RORA: variants seen among roughly 807,000 people sequenced by gnomAD.
The protein encoded by RORA is RAR related orphan receptor A.
Under a neutral mutation model 69.5 loss-of-function variants are expected in RORA, and 7 were observed. The ratio of observed to expected loss-of-function variants is 0.10; its 90% CI spans 0.06 to 0.19. The LOEUF is 0.19. Ranked by LOEUF, RORA falls within the 10% of genes least tolerant of loss-of-function variation. RORA has a pLI of 1.00. For missense variants in RORA, 457 were observed against 663.0 expected (o/e 0.69, Z 3.41); for synonymous variants, 261 against 240.8 (o/e 1.08, Z -0.78).
At chr15:60,516,201 A>T (rs1443189618) in intron 3 of RORA, among the ~76,000 whole-genome samples, 1 of 31,258 alleles carries the variant, frequency 3.2e-5, no homozygotes, top group Non-Finnish European at 4.8e-5. Context: ...ATATATTTAT[A>T]TATATATTTA....
At chr15:61,036,964 C>T (rs772448978) in intron 1 of RORA, among the ~76,000 whole-genome samples, 8 of 152,048 alleles carry the variant, frequency 5.3e-5, no homozygotes, top group Non-Finnish European at 8.8e-5. Context: ...ACAAACACTA[C>T]AGGGGATTTT....
chr15:60,615,046 C>A, intron 2 of RORA: 1 of 1,605,214 alleles, frequency 6.2e-7, no homozygotes, highest in Non-Finnish European at 8.5e-7. Flanking sequence ...GAAAACAGAA[C>A]AGCGTCAACC....
intron 2 of RORA, chr15:60,615,058 A>C (rs765631549): frequency 6.3e-7 from 1 of 1,595,532 alleles, no homozygotes; most frequent in Non-Finnish European, 8.6e-7. Flanking sequence ...GCGTCAACCC[A>C]CACACAGCCC....
intron 1 of RORA, among the ~76,000 whole-genome samples, chr15:60,838,460 G>A (rs1393685389): frequency 6.6e-6 from 1 of 152,168 alleles, no homozygotes; most frequent in Non-Finnish European, 1.5e-5. Flanking sequence ...GCAGGTCACC[G>A]GGCCATGGGG....
intron 2 of RORA, among the ~76,000 whole-genome samples, chr15:60,543,192 T>G (rs1489133020): frequency 4.2e-5 from 1 of 23,552 alleles, no homozygotes; most frequent in African/African-American, 6.2e-5. Context: ...TTTTTTTTTT[T>G]TTTTTTTTTT....
At chr15:60,590,941 A>C (rs964253532) in intron 2 of RORA, among the ~76,000 whole-genome samples, 23 of 152,218 alleles carry the variant, frequency 1.5e-4, no homozygotes, top group Admixed American at 6.5e-5. Context: ...AGCTCATCTT[A>C]ACGTCCAGTA....
chr15:61,118,602 T>C (rs917248491), intron 1 of RORA, among the ~76,000 whole-genome samples: 3 of 151,428 alleles, frequency 2.0e-5, no homozygotes, highest in African/African-American at 4.9e-5. Context: ...TTAAGAAAGA[T>C]GGCTAGGGGA....
chr15:60,984,552 C>T (rs958687087), intron 1 of RORA, among the ~76,000 whole-genome samples: 4 of 151,986 alleles, frequency 2.6e-5, no homozygotes, highest in African/African-American at 9.7e-5. Flanking sequence ...AAACAATTTA[C>T]ACAATATAGG....
At chr15:60,897,352 G>A (rs1268747109) in intron 1 of RORA, among the ~76,000 whole-genome samples, 2 of 152,184 alleles carry the variant, frequency 1.3e-5, no homozygotes, top group Non-Finnish European at 2.9e-5. Flanking sequence ...TGGGGTTAAT[G>A]AGTAATCAGG....
chr15:60,927,396 A>G (rs142746663), intron 1 of RORA, among the ~76,000 whole-genome samples: 288 of 152,340 alleles, frequency 1.9e-3, no homozygotes, highest in Non-Finnish European at 3.3e-3. Context: ...TCCAACCATT[A>G]TTAAATAACA....
intron 1 of RORA, among the ~76,000 whole-genome samples, chr15:60,754,489 T>C (rs1387526664): frequency 6.6e-6 from 1 of 152,186 alleles, no homozygotes; most frequent in Non-Finnish European, 1.5e-5. Flanking sequence ...CTTCATAAAA[T>C]GGACATCAAA....
intron 1 of RORA, among the ~76,000 whole-genome samples, chr15:60,784,855 G>A (rs966313333): frequency 6.6e-6 from 1 of 152,130 alleles, no homozygotes; most frequent in Admixed American, 6.5e-5. Context: ...TGTGTGAAGG[G>A]TCATGTGAAA....
At chr15:61,023,291 G>A (rs1314513911) in intron 1 of RORA, among the ~76,000 whole-genome samples, 3 of 151,306 alleles carry the variant, frequency 2.0e-5, no homozygotes, top group African/African-American at 7.3e-5. Flanking sequence ...AGGTTTAATT[G>A]GACTTACAGT....
At chr15:60,694,947 G>A (rs541222553) in intron 1 of RORA, among the ~76,000 whole-genome samples, 7 of 152,100 alleles carry the variant, frequency 4.6e-5, no homozygotes, top group South Asian at 2.1e-4. Flanking sequence ...ATCTTTCAGC[G>A]CAAAGTGGGA....
intron 1 of RORA, among the ~76,000 whole-genome samples, chr15:60,823,804 T>TA (rs35111164): frequency 2.1e-4 from 32 of 151,020 alleles, no homozygotes; most frequent in African/African-American, 6.1e-4. Flanking sequence ...GATAAGAAAT[T>TA]AAAAAAAAAA....
intron 1 of RORA, among the ~76,000 whole-genome samples, chr15:60,791,870 A>G (rs1209118803): frequency 6.6e-6 from 1 of 152,198 alleles, no homozygotes. Flanking sequence ...CTCTGCAACA[A>G]TCATTTGTTT....
intron 1 of RORA, among the ~76,000 whole-genome samples, chr15:60,837,366 C>G (rs958140614): frequency 8.5e-5 from 13 of 152,306 alleles, no homozygotes; most frequent in African/African-American, 3.1e-4. Context: ...TGAAATGAAG[C>G]TTGGCGAACA....
chr15:60,790,095 T>C (rs904252971), intron 1 of RORA, among the ~76,000 whole-genome samples: 2 of 152,330 alleles, frequency 1.3e-5, no homozygotes, highest in Middle Eastern at 3.4e-3. Context: ...AAAAGACAAG[T>C]GGCTCACACA....
intron 1 of RORA, among the ~76,000 whole-genome samples, chr15:60,876,030 T>C (rs2073610080): frequency 6.6e-6 from 1 of 152,168 alleles, no homozygotes; most frequent in Non-Finnish European, 1.5e-5. Context: ...TCAGCGTATT[T>C]AATGTCAGTT....
Sources: gnomAD v4.1 joint callset for allele counts (sites outside exome capture counted in the v4.1 genomes callset) on GRCh38, gnomAD v4.1.1 for gene constraint, MANE v1.5 for transcripts, NCBI Gene and HGNC (gene_info 2026-07-23, HGNC 2026-07-21) for gene names.